Variants in CCDC187 observed in about 807,000 individuals in gnomAD.
CCDC187 encodes coiled-coil domain containing 187.
Under a neutral mutation model 38.0 loss-of-function variants are expected in CCDC187, and 32 were observed. That is an observed-to-expected ratio of 0.84 (90% confidence interval 0.64 to 1.13). CCDC187 has a LOEUF of 1.13. Ranked by LOEUF, CCDC187 falls within the 50% of genes most tolerant of loss-of-function variation. CCDC187 has a pLI of 0.00. For missense variants in CCDC187, 707 were observed against 786.8 expected (o/e 0.90, Z 1.21); for synonymous variants, 333 against 347.9 (o/e 0.96, Z 0.48).
chr9:136,259,383 GCTGT>G lies in CCDC187; in HGVS notation c.4272_4275del (p.Gln1425GlyfsTer25), dbSNP rs1830655081. The stretch of plus-strand genomic sequence containing the variant: ...CGTACGGGAAAGGCTGGGCCCAGCC[GCTGT>G]CCGTCCGGGGGGCTCACGTGCTGCA... On this transcript the variant is annotated frameshift_variant, in exon 21 of 26. Transcript: ENST00000638797. LOFTEE classifies it high-confidence loss of function. 2 of 985,064 alleles carry G rather than the reference GCTGT, an allele frequency of 2.0e-6. No individual in the cohort carries two copies. Among genetic ancestry groups the G allele is most frequent in the African/African-American group, 3.5e-5 (2 of 57,094 alleles). 61.0% of individuals were successfully genotyped at this position (985,064 alleles called of 1,614,324 possible). A position where few individuals can be genotyped will look rare whatever the true frequency, so the allele number is the denominator to read the frequency against.
chr9:136,265,265 T>C (rs1002894382), intron 17 of CCDC187, among the ~76,000 whole-genome samples: 4 of 152,082 alleles, frequency 2.6e-5, no homozygotes, highest in Non-Finnish European at 5.9e-5. Flanking sequence ...TGGCAGCTTT[T>C]CCCCCCTCCA....
At position 136,260,141 on chromosome 9, in the gene CCDC187, C is replaced by G. The variant is rs1554760813; in HGVS notation, c.4188G>C (p.Glu1396Asp). 1 of 985,354 alleles carries G rather than the reference C, an allele frequency of 1.0e-6. No homozygotes were observed. Among genetic ancestry groups the G allele is most frequent in the East Asian group, 1.1e-4 (1 of 8,810 alleles). 61.0% of individuals were successfully genotyped at this position (985,354 alleles called of 1,614,324 possible). The change falls in exon 20 of 26, where the codon GAG (glutamate) becomes GAC (aspartate). Residue 1396 changes from glutamate to aspartate, a missense_variant. Glu to Asp is a conservative substitution (Grantham distance 45, BLOSUM62 2). Coordinates refer to ENST00000638797, the MANE Select transcript of CCDC187 (RefSeq NM_001378188.1). ...TACCTTGACTGACATGGCTGCCACT[C>G]TCCACCAGCGGGCCCTGGGGGTCGT... is the stretch of plus-strand genomic sequence containing the variant. ...DTHDPQGPLV[E>D]SGSHVSQEPG...
At chr9:136,293,263 T>C (rs1337241981) in intron 4 of CCDC187, among the ~76,000 whole-genome samples, 2 of 122,958 alleles carry the variant, frequency 1.6e-5, no homozygotes, top group African/African-American at 6.4e-5. Context: ...ACACACTCAC[T>C]CATGCTTTCA....
intron 10 of CCDC187, among the ~76,000 whole-genome samples, chr9:136,280,728 C>A (rs1240405045): frequency 6.6e-6 from 1 of 152,178 alleles, no homozygotes; most frequent in African/African-American, 2.4e-5. Context: ...TTCTCCTCCC[C>A]CTGGCACTGG....
chr9:136,281,567 G>C lies in CCDC187; in HGVS notation c.3024C>G (p.Cys1008Trp), dbSNP rs956310702. The change falls in exon 10 of 26, where the codon TGC becomes TGG. Residue 1008 changes from cysteine to tryptophan, a missense_variant. Cys to Trp is a radical substitution (Grantham distance 215). Coordinates refer to ENST00000638797, the MANE Select transcript of CCDC187 (RefSeq NM_001378188.1). ...CGCCCTTACCGCAGCTCCGGGGGGT[G>C]CAGGGCGCCACAGAATCTGCCCCTC... Reference protein sequence around the residue: ...SVGGADSVAPCTPRSCGQQED... With the variant: ...SVGGADSVAPWTPRSCGQQED... 8.0e-5 allele frequency: 32 copies of C among 398,598 alleles called. No homozygotes were observed. In the Middle Eastern group the frequency reaches 1.9e-3, roughly 24 times the overall value. 24.7% of individuals were successfully genotyped at this position (398,598 alleles called of 1,614,324 possible).
At position 136,250,399 on chromosome 9, in the gene CCDC187, G is replaced by A. The variant is rs1339628678; in HGVS notation, c.*3195C>T. 7.1e-6 allele frequency: 2 copies of A among 283,584 alleles called. No homozygotes were observed. The highest frequency in any genetic ancestry group is 1.4e-5 in the Non-Finnish European group (2 of 144,916). 17.6% of individuals were successfully genotyped at this position (283,584 alleles called of 1,614,324 possible). A position where few individuals can be genotyped will look rare whatever the true frequency, so the allele number is the denominator to read the frequency against. ...TGCGCCGCACGTCAGCACCAACCAC[G>A]TGGCAGCGAGCCTGGGAGCCATCAG... On this transcript the variant is annotated 3_prime_UTR_variant, in exon 26 of 26. Transcript: ENST00000638797.
At chr9:136,299,731 G>A (rs1402094896) in intron 3 of CCDC187, among the ~76,000 whole-genome samples, 2 of 152,088 alleles carry the variant, frequency 1.3e-5, no homozygotes, top group Non-Finnish European at 2.9e-5. Flanking sequence ...GGGGCCCTTG[G>A]CCCCAGCCCC....
chr9:136,271,607 T>G (rs1830840697), intron 14 of CCDC187, among the ~76,000 whole-genome samples: 1 of 108,762 alleles, frequency 9.2e-6, no homozygotes, highest in Non-Finnish European at 2.1e-5. Context: ...AGAGAAAGTC[T>G]TTTTTTTTTT....
At chr9:136,297,659 A>T (rs1051017215) in intron 4 of CCDC187, 55 bp downstream of exon 4, 10,633 of 399,434 alleles carry the variant, frequency 0.027, 609 homozygotes, top group East Asian at 0.17. Flanking sequence ...GCCTACCTAG[A>T]GTGCCAGGAT....
rs1830621405 is a variant in CCDC187, at chr9:136,257,051, C to T, written c.4367-210G>A. Among the ~76,000 whole-genome samples, 1 of 152,218 alleles carries T rather than the reference C, an allele frequency of 6.6e-6. No individual in the cohort carries two copies. The highest frequency in any genetic ancestry group is 1.5e-5 in the Non-Finnish European group (1 of 68,036). ...ATTGGACAGTTAGTGATCAAAGTCC[C>T]AGCCAAAAGTTTAGAGAAAATTCGT... is the stretch of plus-strand genomic sequence containing the variant. On this transcript the variant is annotated intron_variant, in intron 22 of 25. Coordinates refer to ENST00000638797, the MANE Select transcript of CCDC187 (RefSeq NM_001378188.1). This position sits in a 1 kb window ranked among gnomAD's most constrained non-coding sequence, Gnocchi z 4.5.
Position 136,290,902 on chromosome 9 carries a change from G to A in CCDC187, c.1711C>T (p.Arg571Trp), listed in dbSNP as rs893573273. ...TGCACGCCGGAGCTGCTCCAGGGCC[G>A]CTGGGCTGGAGGACTGGGCCTTTCC... ...PLERPSPPAQRPWSSSGVQRA... is the reference protein window; with the variant it reads ...PLERPSPPAQWPWSSSGVQRA... The change falls in exon 6 of 26, where the codon CGG becomes TGG. Residue 571 changes from arginine (R) to tryptophan (W), a missense_variant. Arg to Trp is a moderately radical substitution (Grantham distance 101). Coordinates refer to ENST00000638797, the MANE Select transcript of CCDC187 (RefSeq NM_001378188.1). The A allele has an allele frequency of 1.6e-3, 623 of 398,516 alleles. 5 individuals are homozygous for A. The highest frequency in any genetic ancestry group is 9.8e-3 in the African/African-American group (479 of 48,714). The allele number at this position is 398,516 out of a possible 1,614,324, so 24.7% of individuals were successfully genotyped here.
chr9:136,289,064 G>A (rs1275063532), intron 7 of CCDC187, among the ~76,000 whole-genome samples: 4 of 152,256 alleles, frequency 2.6e-5, no homozygotes. Flanking sequence ...CCTGCCCACA[G>A]CCGGGCATTA....
chr9:136,272,135 A>G (rs1197251773), intron 14 of CCDC187, among the ~76,000 whole-genome samples: 1 of 152,152 alleles, frequency 6.6e-6, no homozygotes, highest in African/African-American at 2.4e-5. Context: ...AGCTAAAGAC[A>G]CCAGCAGACA....
intron 4 of CCDC187, among the ~76,000 whole-genome samples, chr9:136,296,868 G>A (rs1354622713): frequency 3.9e-5 from 6 of 152,142 alleles, no homozygotes; most frequent in Admixed American, 3.3e-4. Context: ...CGGGAAACAC[G>A]CATGAAATTA....
At chr9:136,298,530 C>T (rs889694030) in intron 3 of CCDC187, among the ~76,000 whole-genome samples, 1 of 152,146 alleles carries the variant, frequency 6.6e-6, no homozygotes, top group Non-Finnish European at 1.5e-5. Context: ...TCTGGGAAGC[C>T]GCCATGCGAG....
intron 7 of CCDC187, among the ~76,000 whole-genome samples, chr9:136,288,179 T>C (rs1374060338): frequency 6.6e-6 from 1 of 152,000 alleles, no homozygotes; most frequent in Non-Finnish European, 1.5e-5. Flanking sequence ...CAGCATGGGA[T>C]GCTCACCCAG....
intron 14 of CCDC187, among the ~76,000 whole-genome samples, chr9:136,270,517 C>T (rs1830822810): frequency 6.6e-6 from 1 of 152,058 alleles, no homozygotes; most frequent in Non-Finnish European, 1.5e-5. Context: ...ATTTCTTCTT[C>T]TGCTATCTAC....
rs1830689475 is a variant in CCDC187 at position 136,262,400 on chromosome 9, C to T, written c.3975G>A (p.Glu1325=). The part of the protein sequence containing the change: ...EGGSETSQQP[E]ASLCPLTPCR... ...ATGGGGTCAGGGGACACAGGGAGGC[C>T]TCTGGCTGCTGGCTTGTCTCTGAGC... The change falls in exon 19 of 26, where the codon GAG becomes GAA. Residue 1325 remains glutamate, a synonymous_variant. Transcript: ENST00000638797. 5.1e-6 allele frequency: 5 copies of T among 986,182 alleles called. No individual in the cohort carries two copies. Among genetic ancestry groups the T allele is most frequent in the Middle Eastern group, 5.1e-4 (1 of 1,942 alleles). 61.1% of individuals were successfully genotyped at this position (986,182 alleles called of 1,614,324 possible).
Position 136,263,603 on chromosome 9 carries a change from C to G in CCDC187, c.3912+19G>C, listed in dbSNP as rs116462446. 2.7e-3 allele frequency: 2,644 copies of G among 985,398 alleles called. 54 individuals are homozygous for G. In the African/African-American group the frequency reaches 0.042, roughly 16 times the overall value. 61.0% of individuals were successfully genotyped at this position (985,398 alleles called of 1,614,324 possible). A position where few individuals can be genotyped will look rare whatever the true frequency, so the allele number is the denominator to read the frequency against. On this transcript the variant is annotated intron_variant, in intron 18 of 25. Transcript: ENST00000638797. ...CAGCATTTCTGCAGCTGAGTCCCAGCCCAGGCGAGAGCACCCACCTGCTGC... is the reference window on the plus strand; with the variant it reads ...CAGCATTTCTGCAGCTGAGTCCCAGGCCAGGCGAGAGCACCCACCTGCTGC...
Sources: allele counts gnomAD v4.1 joint callset (sites outside exome capture counted in the v4.1 genomes callset), GRCh38; gene constraint gnomAD v4.1.1; non-coding constraint Gnocchi (gnomAD v3.1); transcripts MANE v1.5; gene names NCBI Gene and HGNC (gene_info 2026-07-23, HGNC 2026-07-21).